The following PEPD variants were observed in gnomAD, a reference collection of about 807,000 sequenced individuals.
The protein encoded by PEPD is xaa-Pro dipeptidase.
PEPD carries 53 observed loss-of-function variants against 60.7 expected under a neutral mutation model. The observed-to-expected ratio is 0.87, with a 90% CI of 0.70 to 1.10. PEPD has a LOEUF of 1.10. Ranked by LOEUF, PEPD falls within the 50% of genes least tolerant of loss-of-function variation. The pLI is 0.00. For missense variants in PEPD, 711 were observed against 711.9 expected (o/e 1.00, Z 0.01); for synonymous variants, 267 against 284.1 (o/e 0.94, Z 0.60).
At chr19:33,417,976 G>A (rs1968926210) in intron 9 of PEPD, among the ~76,000 whole-genome samples, 1 of 152,196 alleles carries the variant, frequency 6.6e-6, no homozygotes, top group Non-Finnish European at 1.5e-5. Context: ...CAGCTACCGG[G>A]ACACGTGCGC....
At chr19:33,436,557 G>A (rs1405784839) in intron 9 of PEPD, among the ~76,000 whole-genome samples, 1 of 152,202 alleles carries the variant, frequency 6.6e-6, no homozygotes, top group Non-Finnish European at 1.5e-5. Context: ...GGGGCAGAGG[G>A]GCTGGGAGAA....
chr19:33,473,947 A>G (rs1169382720), intron 7 of PEPD, among the ~76,000 whole-genome samples: 1 of 152,256 alleles, frequency 6.6e-6, no homozygotes, highest in African/African-American at 2.4e-5. Context: ...AATGAATGAC[A>G]GCCGAACAAA....
intron 9 of PEPD, among the ~76,000 whole-genome samples, chr19:33,451,917 C>A (rs2145252335): frequency 6.6e-6 from 1 of 152,100 alleles, no homozygotes. Context: ...TCATGAATCA[C>A]AAAGAATTAT....
At chr19:33,448,247 C>G (rs933065381) in intron 9 of PEPD, among the ~76,000 whole-genome samples, 4 of 152,218 alleles carry the variant, frequency 2.6e-5, no homozygotes, top group African/African-American at 9.6e-5. Flanking sequence ...GTTCTGGGAG[C>G]CAAACCTCAA....
intron 3 of PEPD, 132 bp downstream of exon 3, chr19:33,510,896 G>A (rs532273099): frequency 4.0e-5 from 37 of 924,002 alleles, no homozygotes; most frequent in Admixed American, 2.8e-4. Context: ...AGCCCTGACC[G>A]CATGCCCTTC....
intron 1 of PEPD, among the ~76,000 whole-genome samples, chr19:33,514,267 G>C (rs1970986424): frequency 6.6e-6 from 1 of 152,106 alleles, no homozygotes; most frequent in Admixed American, 6.5e-5. Flanking sequence ...CGAGCAGAGA[G>C]CTCTGCCTGG....
chr19:33,496,388 T>C (rs1970603851), intron 4 of PEPD, among the ~76,000 whole-genome samples: 2 of 152,152 alleles, frequency 1.3e-5, no homozygotes, highest in Admixed American at 6.5e-5. Context: ...GTGCATCTCC[T>C]AGTCCTGGCA....
At chr19:33,512,322 A>G (rs1326228188) in intron 2 of PEPD, among the ~76,000 whole-genome samples, 1 of 152,094 alleles carries the variant, frequency 6.6e-6, no homozygotes, top group Non-Finnish European at 1.5e-5. Context: ...GGGTGTCCTC[A>G]TGTTCCTGTG....
intron 11 of PEPD, among the ~76,000 whole-genome samples, chr19:33,410,131 A>T (rs1397508943): frequency 6.6e-6 from 1 of 152,192 alleles, no homozygotes; most frequent in Non-Finnish European, 1.5e-5. Context: ...GGAGTCCACT[A>T]AGGCCCAGCG....
chr19:33,410,817 T>A (rs1266939158), intron 11 of PEPD, among the ~76,000 whole-genome samples: 3 of 152,056 alleles, frequency 2.0e-5, no homozygotes, highest in Non-Finnish European at 2.9e-5. Flanking sequence ...AGGGCCTGCG[T>A]GGCTGTGGCT....
intron 7 of PEPD, among the ~76,000 whole-genome samples, chr19:33,469,353 G>C (rs1568487278): frequency 2.0e-5 from 3 of 152,150 alleles, no homozygotes; most frequent in Non-Finnish European, 4.4e-5. Context: ...CCTCAGCGAG[G>C]CCCCAGCTCT....
chr19:33,419,640 G>C (rs1006611541), intron 9 of PEPD, among the ~76,000 whole-genome samples: 2 of 152,202 alleles, frequency 1.3e-5, no homozygotes, highest in Non-Finnish European at 2.9e-5. Context: ...TGCTGACCTC[G>C]GGGCTTGCTG....
Position 33,493,343 on chromosome 19 carries a change from A to G in PEPD, c.394-6T>C. 1 of 1,611,946 alleles carries G rather than the reference A, an allele frequency of 6.2e-7. No homozygotes were observed. Among genetic ancestry groups the G allele is most frequent in the South Asian group, 1.1e-5 (1 of 90,986 alleles). ...GACGTCAGGACGCTGGCAATCTAGA[A>G]GGTCGGAAAGAAAAACCCACTTTAG... is the stretch of plus-strand genomic sequence containing the variant. On this transcript the variant is annotated splice_region_variant and splice_polypyrimidine_tract_variant and intron_variant, in intron 4 of 14. Coordinates refer to ENST00000244137, the MANE Select transcript of PEPD (RefSeq NM_000285.4).
intron 3 of PEPD, among the ~76,000 whole-genome samples, chr19:33,501,268 C>T (rs1343791115): frequency 2.6e-5 from 4 of 152,182 alleles, no homozygotes; most frequent in African/African-American, 9.7e-5. Context: ...TGCAGCCAGC[C>T]CCTGCAGACA....
intron 9 of PEPD, among the ~76,000 whole-genome samples, chr19:33,448,954 G>A (rs1258966327): frequency 6.6e-6 from 1 of 152,248 alleles, no homozygotes; most frequent in Non-Finnish European, 1.5e-5. Context: ...ATAAACTCTG[G>A]CCTTTCTCTT....
intron 10 of PEPD, among the ~76,000 whole-genome samples, chr19:33,413,222 C>G (rs1044625831): frequency 3.3e-5 from 5 of 152,246 alleles, no homozygotes; most frequent in African/African-American, 1.2e-4. Context: ...AGCCTGAGCT[C>G]ACAGCCCGGT....
intron 9 of PEPD, among the ~76,000 whole-genome samples, chr19:33,419,524 G>A (rs139687822): frequency 3.5e-4 from 53 of 152,334 alleles, no homozygotes; most frequent in African/African-American, 1.1e-3. Context: ...CACTGAATCC[G>A]TGTTCGGGCT....
intron 9 of PEPD, among the ~76,000 whole-genome samples, chr19:33,415,427 T>C (rs1157262825): frequency 1.3e-5 from 2 of 152,160 alleles, no homozygotes; most frequent in Non-Finnish European, 2.9e-5. Flanking sequence ...ATCCCAGCAC[T>C]TTGGGAGGCC....
At chr19:33,448,817 G>A (rs1428078830) in intron 9 of PEPD, among the ~76,000 whole-genome samples, 1 of 152,102 alleles carries the variant, frequency 6.6e-6, no homozygotes, top group Non-Finnish European at 1.5e-5. Context: ...TTCAGGAAAA[G>A]CCAAAAAAAT....
Sources: gnomAD v4.1 joint callset for allele counts (sites outside exome capture counted in the v4.1 genomes callset) on GRCh38, gnomAD v4.1.1 for gene constraint, MANE v1.5 for transcripts, NCBI Gene and HGNC (gene_info 2026-07-23, HGNC 2026-07-21) for gene names.